ZNF90: variants seen among roughly 807,000 people sequenced by gnomAD.
The protein encoded by ZNF90 is zinc finger protein HTF9.
ZNF90 carries 11 observed loss-of-function variants against 12.0 expected under a neutral mutation model. That is an observed-to-expected ratio of 0.92 (90% CI 0.58 to 1.52). The LOEUF is 1.52. Among genes scored for constraint, ZNF90 ranks in the 40% most tolerant of loss-of-function variants. The pLI, the probability that ZNF90 is intolerant of heterozygous loss-of-function variation, is 0.00. For synonymous variants in ZNF90, 232 were observed against 240.1 expected (o/e 0.97, Z 0.31); for missense variants, 765 against 711.5 (o/e 1.08, Z -0.86).
intron 1 of ZNF90, among the ~76,000 whole-genome samples, chr19:20,087,766 G>T (rs2122481037): frequency 6.6e-6 from 1 of 152,310 alleles, no homozygotes; most frequent in African/African-American, 2.4e-5. Flanking sequence ...GTGCAGTTGG[G>T]CTGAGTCCGA....
At chr19:20,110,335 G>A (rs180806265) in intron 3 of ZNF90, among the ~76,000 whole-genome samples, 31 of 152,168 alleles carry the variant, frequency 2.0e-4, no homozygotes, top group African/African-American at 6.0e-4. Flanking sequence ...CTGGAGTGCA[G>A]TGGTGTGATC....
At position 20,120,024 on chromosome 19, in the gene ZNF90, G is replaced by C. The variant is rs912359987; in HGVS notation, c.*664G>C. 1.4e-4 allele frequency among the ~76,000 whole-genome samples: 22 copies of C among 152,172 alleles called. No individual in the cohort carries two copies. The highest frequency in any genetic ancestry group is 8.8e-5 in the Non-Finnish European group (6 of 68,022). ...ATGATTATACTAGTGTGAAACCCTA[G>C]AAATAATAGAAAATTTGACAAATCC... On this transcript the variant is annotated 3_prime_UTR_variant, in exon 4 of 4. Coordinates refer to ENST00000418063, the MANE Select transcript of ZNF90 (RefSeq NM_007138.2).
At chr19:20,091,108 G>A (rs916404693) in intron 1 of ZNF90, among the ~76,000 whole-genome samples, 1 of 152,182 alleles carries the variant, frequency 6.6e-6, no homozygotes, top group African/African-American at 2.4e-5. Context: ...TTCAGACCCT[G>A]TGGGGAAGGC....
chr19:20,096,180 G>A (rs765028176), intron 1 of ZNF90, among the ~76,000 whole-genome samples: 1 of 152,174 alleles, frequency 6.6e-6, no homozygotes, highest in East Asian at 1.9e-4. Context: ...GTAAAAAGAG[G>A]CCGCTTACCG....
At chr19:20,104,017 TATC>T (rs200195449) in intron 1 of ZNF90, among the ~76,000 whole-genome samples, 3 of 152,190 alleles carry the variant, frequency 2.0e-5, no homozygotes, top group Non-Finnish European at 4.4e-5. Flanking sequence ...TCTAGAAAAA[TATC>T]ATATATGAAC....
At chr19:20,099,793 GTAAA>G (rs2088975313) in intron 1 of ZNF90, among the ~76,000 whole-genome samples, 1 of 152,194 alleles carries the variant, frequency 6.6e-6, no homozygotes, top group South Asian at 2.1e-4. Flanking sequence ...AGGAAAAAGG[GTAAA>G]TATATATACA....
intron 1 of ZNF90, among the ~76,000 whole-genome samples, chr19:20,090,355 C>G (rs1450411176): frequency 1.3e-5 from 2 of 151,794 alleles, no homozygotes; most frequent in African/African-American, 2.4e-5. Context: ...TATTACTGTT[C>G]TTCAGAAATA....
intron 1 of ZNF90, among the ~76,000 whole-genome samples, chr19:20,098,953 A>G (rs2088969027): frequency 6.6e-6 from 1 of 152,148 alleles, no homozygotes; most frequent in Non-Finnish European, 1.5e-5. Context: ...TCCATTTCAT[A>G]TGGCCATTAA....
Position 20,118,337 on chromosome 19 carries a change from T to C in ZNF90, c.783T>C (p.Asp261=), listed in dbSNP as rs1349617396. 1.3e-6 allele frequency: 2 copies of C among 1,552,404 alleles called. No individual in the cohort carries two copies. Among genetic ancestry groups the C allele is most frequent in the Non-Finnish European group, 1.7e-6 (2 of 1,148,246 alleles). Residue 261 remains aspartate (D), a synonymous_variant, in exon 4 of 4, where the codon GAT becomes GAC. Transcript: ENST00000418063. ...HTGEKRYKCE[D]CGKELKYSST... ...GAGAGAAACGGTACAAATGTGAAGA[T>C]TGTGGCAAAGAATTAAAGTATTCCT...
intron 3 of ZNF90, among the ~76,000 whole-genome samples, chr19:20,108,682 ATTATTGTTTGTAGTTCTATATT>A (rs1555704690): frequency 1.9e-4 from 27 of 141,536 alleles, no homozygotes; most frequent in Non-Finnish European, 6.1e-5. Flanking sequence ...ACATTCTTTT[ATTATTGTTTGTAGTTCTATATT>A]AGTGTGTTTC....
chr19:20,116,945 C>A (rs2089141426), intron 3 of ZNF90, among the ~76,000 whole-genome samples: 1 of 142,380 alleles, frequency 7.0e-6, no homozygotes, highest in African/African-American at 2.7e-5. Context: ...ACATAGAAGC[C>A]AGAAATAAAG....
intron 3 of ZNF90, among the ~76,000 whole-genome samples, chr19:20,114,137 A>C (rs1555705434): frequency 6.6e-6 from 1 of 152,102 alleles, no homozygotes; most frequent in Admixed American, 6.5e-5. Flanking sequence ...CTATAATACA[A>C]AAAATTAGCC....
chr19:20,101,731 C>A (rs970418363), intron 1 of ZNF90, among the ~76,000 whole-genome samples: 6 of 152,000 alleles, frequency 3.9e-5, no homozygotes, highest in African/African-American at 1.5e-4. Flanking sequence ...CAGAGAATGT[C>A]ATTTGATAAG....
intron 1 of ZNF90, 102 bp from the exon 2 acceptor site, chr19:20,104,137 G>T: frequency 6.5e-7 from 1 of 1,539,126 alleles, no homozygotes; most frequent in South Asian, 1.2e-5. Context: ...TTGTAAGTCA[G>T]AACCAATTCT....
At position 20,102,189 on chromosome 19, in the gene ZNF90, C is replaced by A. The variant is rs148454856; in HGVS notation, c.4-2050C>A. 6.1e-4 allele frequency among the ~76,000 whole-genome samples: 93 copies of A among 152,302 alleles called. 1 individual carries two copies. Among genetic ancestry groups the A allele is most frequent in the Non-Finnish European group, 2.4e-4 (16 of 68,030 alleles). ...ATGTTCATCTTTCCTGTTCTTTGTT[C>A]TCTATTTTAAAGTTCAACTTCCTCG... is the stretch of plus-strand genomic sequence containing the variant. On this transcript the variant is annotated intron_variant, in intron 1 of 3. Coordinates refer to ENST00000418063, the MANE Select transcript of ZNF90 (RefSeq NM_007138.2).
At chr19:20,107,317 C>T (rs1350901215) in intron 3 of ZNF90, among the ~76,000 whole-genome samples, 4 of 152,146 alleles carry the variant, frequency 2.6e-5, no homozygotes, top group Non-Finnish European at 4.4e-5. Flanking sequence ...GAATTCTCAG[C>T]GGGACCAAGT....
At chr19:20,085,273 T>A (rs1007134454) in intron 1 of ZNF90, among the ~76,000 whole-genome samples, 2 of 148,722 alleles carry the variant, frequency 1.3e-5, no homozygotes, top group Non-Finnish European at 3.0e-5. Context: ...TTGGTCTTTT[T>A]TTTTTAGACG....
At chr19:20,092,447 G>A (rs59561736) in intron 1 of ZNF90, among the ~76,000 whole-genome samples, 2,254 of 152,304 alleles carry the variant, frequency 0.015, 50 homozygotes, top group African/African-American at 0.052. Context: ...CACTTCGGCT[G>A]TGTGTAATGA....
At chr19:20,088,197 C>T (rs543668340) in intron 1 of ZNF90, among the ~76,000 whole-genome samples, 81 of 150,202 alleles carry the variant, frequency 5.4e-4, no homozygotes, top group Admixed American at 5.2e-3. Context: ...GTTGGGGCGG[C>T]AAAAATTTTT....
Sources: gnomAD v4.1 joint callset for allele counts (sites outside exome capture counted in the v4.1 genomes callset) on GRCh38, gnomAD v4.1.1 for gene constraint, MANE v1.5 for transcripts, NCBI Gene and HGNC (gene_info 2026-07-23, HGNC 2026-07-21) for gene names.